The following PARVB variants were observed in gnomAD, a reference collection of about 807,000 sequenced individuals.
The protein encoded by PARVB is parvin beta, also known as beta-parvin.
In PARVB, 46 loss-of-function variants were observed where a neutral mutation model predicts 47.0. The ratio of observed to expected loss-of-function variants is 0.98; its 90% CI spans 0.77 to 1.25. The LOEUF is 1.25. PARVB is among the 50% of genes most tolerant of loss of function. The pLI is 0.00. For missense variants in PARVB, 473 were observed against 471.6 expected, an observed-to-expected ratio of 1.00 and a Z score of -0.03; for synonymous variants, 196 against 196.3, an observed-to-expected ratio of 1.00 and a Z score of 0.01.
chr22:44,135,648 C>T (rs145080667), intron 6 of PARVB, among the ~76,000 whole-genome samples: 1 of 152,174 alleles, frequency 6.6e-6, no homozygotes, highest in Non-Finnish European at 1.5e-5. Flanking sequence ...GTACCACAAA[C>T]CAGGTGGCTT....
intron 2 of PARVB, among the ~76,000 whole-genome samples, chr22:44,004,927 G>T (rs942604342): frequency 2.6e-5 from 4 of 152,140 alleles, no homozygotes; most frequent in African/African-American, 9.7e-5. Flanking sequence ...GTTCCAAAAA[G>T]ATTCTAAAAA....
At chr22:44,104,501 C>T in intron 3 of PARVB, 1 of 152,752 alleles carries the variant, frequency 6.5e-6, no homozygotes, top group Non-Finnish European at 1.5e-5. Flanking sequence ...TGAGCTTGGG[C>T]TGCCCTTGGT....
intron 1 of PARVB, among the ~76,000 whole-genome samples, chr22:44,084,587 T>C (rs1037280812): frequency 2.0e-5 from 3 of 152,216 alleles, no homozygotes; most frequent in African/African-American, 7.2e-5. Flanking sequence ...TTCTTTCCGC[T>C]GCGTTCTTGG....
At chr22:44,022,549 A>C (rs991182345), upstream of PARVB, among the ~76,000 whole-genome samples, 15 of 151,948 alleles carry the variant, frequency 9.9e-5, no homozygotes, top group Non-Finnish European at 2.2e-4. Context: ...CCTGGCACCA[A>C]CTTGACCAAC....
chr22:44,018,850 G>A (rs375913955), intron 2 of PARVB, among the ~76,000 whole-genome samples: 142 of 152,296 alleles, frequency 9.3e-4, no homozygotes, highest in Middle Eastern at 6.8e-3. Flanking sequence ...TGACTCGTGC[G>A]CTGCCCCCAT....
chr22:44,053,083 CTT>C (rs1192961779), intron 1 of PARVB, among the ~76,000 whole-genome samples: 25 of 137,538 alleles, frequency 1.8e-4, no homozygotes, highest in Admixed American at 2.2e-4. Context: ...TGTTACACAT[CTT>C]TTTTTTTTTT....
chr22:44,134,718 A>C (rs1022176173), intron 6 of PARVB, among the ~76,000 whole-genome samples: 1 of 152,054 alleles, frequency 6.6e-6, no homozygotes, highest in Non-Finnish European at 1.5e-5. Flanking sequence ...CCCCAGATGG[A>C]ATGGTTGGTG....
At chr22:44,000,908 T>C (rs2146839362) in intron 2 of PARVB, among the ~76,000 whole-genome samples, 1 of 152,334 alleles carries the variant, frequency 6.6e-6, no homozygotes, top group South Asian at 2.1e-4. Context: ...GTTCCCTGAA[T>C]TAGGCACATC....
intron 4 of PARVB, among the ~76,000 whole-genome samples, chr22:44,120,774 C>T (rs893821906): frequency 6.6e-6 from 1 of 152,104 alleles, no homozygotes; most frequent in East Asian, 1.9e-4. Context: ...CTCCTGGGCT[C>T]CAGTGATCCT....
At chr22:44,066,823 T>TCC (rs1569088076) in intron 1 of PARVB, among the ~76,000 whole-genome samples, 20 of 24,668 alleles carry the variant, frequency 8.1e-4, no homozygotes, top group Middle Eastern at 0.018. Context: ...CCTCCTCCTC[T>TCC]TCCTCCTCCA....
rs1212316763 is a variant in PARVB at position 44,169,692 on chromosome 22, T to C, written c.*1014T>C. The C allele has an allele frequency of 6.8e-6, 1 of 146,712 alleles. No homozygotes were observed. The highest frequency in any genetic ancestry group is 2.8e-5 in the African/African-American group (1 of 36,148). The allele number at this position is 146,712 out of a possible 1,614,324, so 9.1% of individuals were successfully genotyped here. A position where few individuals can be genotyped will look rare whatever the true frequency, so the allele number is the denominator to read the frequency against. ...TGTGTCTGTGTCCTCACCGCCTCTT[T>C]TATTTTATTTTTTATTTTTGTTTTT... On this transcript the variant is annotated 3_prime_UTR_variant, in exon 13 of 13. Coordinates refer to ENST00000338758, the MANE Select transcript of PARVB (RefSeq NM_013327.5).
chr22:44,048,909 C>G (rs940070563), intron 1 of PARVB, among the ~76,000 whole-genome samples: 1 of 152,162 alleles, frequency 6.6e-6, no homozygotes, highest in Non-Finnish European at 1.5e-5. Context: ...AGGCTAGTCT[C>G]GAGCTACTGA....
chr22:44,163,960 A>G (rs763189526), intron 12 of PARVB, 30 bp downstream of exon 12: 10 of 1,570,950 alleles, frequency 6.4e-6, no homozygotes, highest in Admixed American at 1.7e-5. Context: ...TTCCCCCGGG[A>G]GAGGTGCGCA....
In PARVB at chr22:44,040,859, C is replaced by T. The variant is rs531880447; in HGVS notation, c.112+16408C>T. ...TCTACTAAAAATACAAAAAATTAGC[C>T]GGGCGTGGTGGCAGGCGCCTGTAGT... On this transcript the variant is annotated intron_variant, in intron 1 of 12. Transcript: ENST00000338758. 1.8e-3 allele frequency among the ~76,000 whole-genome samples: 269 copies of T among 151,870 alleles called. 2 individuals are homozygous for T. Among genetic ancestry groups the T allele is most frequent in the African/African-American group, 6.1e-3 (253 of 41,440 alleles).
intron 2 of PARVB, among the ~76,000 whole-genome samples, chr22:44,016,755 T>C (rs114704228): frequency 0.03 from 4,512 of 152,288 alleles, 143 homozygotes; most frequent in East Asian, 0.15. Flanking sequence ...TAACCTGTCA[T>C]GTGAGGTCAG....
Position 44,172,779 on chromosome 22 carries a change from G to A in PARVB, c.*4101G>A. The A allele has an allele frequency of 3.2e-6, 1 of 313,618 alleles. No homozygotes were observed. The highest frequency in any genetic ancestry group is 2.5e-5 in the South Asian group (1 of 40,306). 19.4% of individuals were successfully genotyped at this position (313,618 alleles called of 1,614,324 possible). ...TAAAAGCCACGAAAACCCTGGCCATGCTGTTTGTCAGGCCCACCTGGCTGA... is the reference window on the plus strand; with the variant it reads ...TAAAAGCCACGAAAACCCTGGCCATACTGTTTGTCAGGCCCACCTGGCTGA... On this transcript the variant is annotated 3_prime_UTR_variant, in exon 13 of 13. Transcript: ENST00000338758.
chr22:44,098,517 G>A (rs1435212838), intron 2 of PARVB, among the ~76,000 whole-genome samples: 1 of 152,174 alleles, frequency 6.6e-6, no homozygotes, highest in East Asian at 1.9e-4. Flanking sequence ...ATGGGCTGGA[G>A]CAGATTGCAC....
upstream of PARVB, among the ~76,000 whole-genome samples, chr22:44,021,756 GACTCACACACACACAC>G (rs1180844433): frequency 0.021 from 2,253 of 105,058 alleles, 33 homozygotes; most frequent in South Asian, 0.038. Flanking sequence ...GTAAAGTCTA[GACTCACACACACACAC>G]ACACACACAC....
intron 2 of PARVB, among the ~76,000 whole-genome samples, chr22:44,095,942 C>T (rs1425762371): frequency 3.3e-5 from 5 of 152,136 alleles, no homozygotes; most frequent in African/African-American, 9.7e-5. Flanking sequence ...AGAGTGGCCC[C>T]ACCAGGCTCG....
Sources: gnomAD v4.1 joint callset for allele counts (sites outside exome capture counted in the v4.1 genomes callset) on GRCh38, gnomAD v4.1.1 for gene constraint, MANE v1.5 for transcripts, NCBI Gene and HGNC (gene_info 2026-07-23, HGNC 2026-07-21) for gene names.